The following STK32B variants were observed in gnomAD, a reference collection of about 807,000 sequenced individuals.
The protein encoded by STK32B is serine/threonine-protein kinase 32B.
In STK32B, 43 loss-of-function variants were observed where a neutral mutation model predicts 52.6. The ratio of observed to expected loss-of-function variants is 0.82; its 90% confidence interval spans 0.64 to 1.05. The LOEUF is 1.05. Among genes scored for constraint, STK32B ranks in the 50% least tolerant of loss-of-function variants. The pLI, the probability that STK32B is intolerant of heterozygous loss-of-function variation, is 0.00. For missense variants in STK32B, 621 were observed against 534.6 expected, an observed-to-expected ratio of 1.16 and a Z score of -1.59; for synonymous variants, 238 against 204.3, an observed-to-expected ratio of 1.17 and a Z score of -1.41.
At chr4:5,475,016 G>A (rs967836135) in intron 11 of STK32B, among the ~76,000 whole-genome samples, 3 of 152,138 alleles carry the variant, frequency 2.0e-5, no homozygotes, top group Non-Finnish European at 2.9e-5. Flanking sequence ...CTGACGCAGC[G>A]GGAGGAATTC....
At chr4:5,185,879 C>T (rs1193606655) in intron 3 of STK32B, among the ~76,000 whole-genome samples, 1 of 152,182 alleles carries the variant, frequency 6.6e-6, no homozygotes, top group African/African-American at 2.4e-5. Flanking sequence ...CTGACACCCA[C>T]CCCTACTACC....
intron 6 of STK32B, among the ~76,000 whole-genome samples, chr4:5,429,905 C>G (rs1230716455): frequency 6.6e-6 from 1 of 151,936 alleles, no homozygotes; most frequent in East Asian, 1.9e-4. Context: ...ATTGCCACTC[C>G]ATTGCTTCTT....
the STK32B span, among the ~76,000 whole-genome samples, chr4:5,034,441 C>T: frequency 1.3e-5 from 2 of 152,178 alleles, no homozygotes; most frequent in East Asian, 1.9e-4. Context: ...CAAAAATATT[C>T]TATGCGCTCC....
At chr4:5,447,043 ACATC>A in intron 7 of STK32B, 1 of 331,618 alleles carries the variant, frequency 3.0e-6, no homozygotes, top group East Asian at 5.4e-5. Context: ...GACAAGTCAA[ACATC>A]AAAGCGCCTT....
At chr4:5,350,676 A>T in intron 4 of STK32B, among the ~76,000 whole-genome samples, 1 of 152,292 alleles carries the variant, frequency 6.6e-6, no homozygotes, top group East Asian at 1.9e-4. Context: ...TAAACTTTCT[A>T]CTTAAAATAT....
At chr4:5,062,632 C>A (rs1742260521) in intron 1 of STK32B, among the ~76,000 whole-genome samples, 1 of 152,114 alleles carries the variant, frequency 6.6e-6, no homozygotes, top group Non-Finnish European at 1.5e-5. Flanking sequence ...CCTCAGCCTC[C>A]CAAGTAGCTG....
chr4:5,164,109 G>T (rs1224947071), intron 2 of STK32B, among the ~76,000 whole-genome samples: 1 of 152,232 alleles, frequency 6.6e-6, no homozygotes, highest in Non-Finnish European at 1.5e-5. Flanking sequence ...GACCCTTATA[G>T]ATTGTGATAA....
At chr4:5,029,244 G>T in the STK32B span, among the ~76,000 whole-genome samples, 1 of 152,212 alleles carries the variant, frequency 6.6e-6, no homozygotes, top group Non-Finnish European at 1.5e-5. Flanking sequence ...GATCTCTCCT[G>T]TGGTTAGGTT....
At chr4:5,448,999 A>G (rs1715729646) in intron 7 of STK32B, among the ~76,000 whole-genome samples, 4 of 152,172 alleles carry the variant, frequency 2.6e-5, no homozygotes, top group Admixed American at 2.6e-4. Context: ...CAATGACAAC[A>G]TCCTTGGGTA....
At chr4:5,134,561 A>G (rs1715959595) in intron 1 of STK32B, among the ~76,000 whole-genome samples, 1 of 152,248 alleles carries the variant, frequency 6.6e-6, no homozygotes, top group South Asian at 2.1e-4. Flanking sequence ...GCATTCTGTG[A>G]TAGCAACACA....
chr4:5,254,559 T>C (rs1219702545), intron 3 of STK32B, among the ~76,000 whole-genome samples: 1 of 152,256 alleles, frequency 6.6e-6, no homozygotes, highest in Non-Finnish European at 1.5e-5. Context: ...TAAGTTTTAA[T>C]ATGCCATGTA....
chr4:5,459,962 C>T, intron 8 of STK32B, 141 bp from the exon 9 acceptor site: 1 of 1,268,746 alleles, frequency 7.9e-7, no homozygotes, highest in Admixed American at 2.0e-5. Context: ...CTTCCAACAA[C>T]AGTGACCCAG....
chr4:5,183,347 C>T lies in STK32B; in HGVS notation c.260+14897C>T, dbSNP rs570672632. ...ACAAAATTAGCTGGGCGTGGTCGTG[C>T]ATGCCTGTAATCCCACCTACTTGGG... is the stretch of plus-strand genomic sequence containing the variant. On this transcript the variant is annotated intron_variant, in intron 3 of 11. Coordinates refer to ENST00000282908, the MANE Select transcript of STK32B (RefSeq NM_018401.3). Among the ~76,000 whole-genome samples the T allele has an allele frequency of 8.9e-4, 136 of 152,100 alleles. 2 individuals are homozygous for T. In the South Asian group the frequency reaches 0.019, roughly 21 times the overall value.
chr4:5,459,051 G>A (rs1258751351), intron 8 of STK32B, among the ~76,000 whole-genome samples: 1 of 152,206 alleles, frequency 6.6e-6, no homozygotes, highest in East Asian at 1.9e-4. Flanking sequence ...GCCCTGAACA[G>A]TGAACTTCCA....
chr4:5,208,248 G>C (rs992988843), intron 3 of STK32B, among the ~76,000 whole-genome samples: 1 of 152,152 alleles, frequency 6.6e-6, no homozygotes. Context: ...CCATCAGTTA[G>C]TTACATGGCT....
At chr4:5,167,949 C>G (rs1480713995) in intron 2 of STK32B, among the ~76,000 whole-genome samples, 1 of 152,230 alleles carries the variant, frequency 6.6e-6, no homozygotes, top group Non-Finnish European at 1.5e-5. Flanking sequence ...CCACACATCT[C>G]AGGGTTATAG....
intron 3 of STK32B, among the ~76,000 whole-genome samples, chr4:5,184,697 A>AAAAAAAG (rs1560206144): frequency 1.5e-5 from 2 of 135,864 alleles, no homozygotes; most frequent in Non-Finnish European, 3.3e-5. Flanking sequence ...AAAAAAAAAA[A>AAAAAAAG]GAAGAAGAAG....
chr4:5,206,067 C>G (rs1045602605), intron 3 of STK32B, among the ~76,000 whole-genome samples: 1 of 152,194 alleles, frequency 6.6e-6, no homozygotes, highest in Non-Finnish European at 1.5e-5. Context: ...TAGTACTACA[C>G]CAACAGATTT....
intron 3 of STK32B, among the ~76,000 whole-genome samples, chr4:5,200,861 G>A (rs1722083634): frequency 6.6e-6 from 1 of 152,146 alleles, no homozygotes. Context: ...CTGTGACTAA[G>A]GTTCAGGCAT....
Sources: gnomAD v4.1 joint callset for allele counts (sites outside exome capture counted in the v4.1 genomes callset) on GRCh38, gnomAD v4.1.1 for gene constraint, MANE v1.5 for transcripts, NCBI Gene and HGNC (gene_info 2026-07-23, HGNC 2026-07-21) for gene names.